Variants in BTBD9 observed in about 807,000 individuals in gnomAD.
The protein encoded by BTBD9 is BTB/POZ domain-containing protein 9.
A neutral mutation model predicts 64.3 loss-of-function variants in BTBD9; 49 were observed. The ratio of observed to expected loss-of-function variants is 0.76; its 90% CI spans 0.61 to 0.97. BTBD9 has a LOEUF of 0.97. BTBD9 is among the 50% of genes least tolerant of loss of function. The pLI, the probability that BTBD9 is intolerant of heterozygous loss-of-function variation, is 0.00. For synonymous variants in BTBD9, 260 were observed against 274.7 expected (o/e 0.95, Z 0.53); for missense variants, 598 against 762.1 (o/e 0.78, Z 2.53).
At chr6:38,287,082 CAAAAAAAAA>C (rs60618390) in intron 8 of BTBD9, among the ~76,000 whole-genome samples, 2 of 25,364 alleles carry the variant, frequency 7.9e-5, no homozygotes, top group South Asian at 2.8e-3. Context: ...GGCTCCATCT[CAAAAAAAAA>C]AAAAAAAAAA....
chr6:38,520,919 C>A (rs1040317459), intron 6 of BTBD9, among the ~76,000 whole-genome samples: 1 of 152,064 alleles, frequency 6.6e-6, no homozygotes, highest in African/African-American at 2.4e-5. Flanking sequence ...TGCACTCCAG[C>A]CTGCTTGACA....
chr6:38,617,916 T>A (rs759068991), intron 1 of BTBD9, among the ~76,000 whole-genome samples: 1 of 152,186 alleles, frequency 6.6e-6, no homozygotes, highest in Non-Finnish European at 1.5e-5. Context: ...GTCCTCTTTG[T>A]GGTCTAAGAG....
intron 7 of BTBD9, among the ~76,000 whole-genome samples, chr6:38,339,050 T>C (rs1764004248): frequency 6.6e-6 from 1 of 152,202 alleles, no homozygotes; most frequent in African/African-American, 2.4e-5. Context: ...TGAAAGTGAA[T>C]TTGGCAATAT....
At chr6:38,574,463 T>C (rs1391846958) in intron 6 of BTBD9, among the ~76,000 whole-genome samples, 1 of 152,150 alleles carries the variant, frequency 6.6e-6, no homozygotes, top group African/African-American at 2.4e-5. Flanking sequence ...CTAGGGTCTT[T>C]AGAGGTTAGA....
At chr6:38,608,406 A>C (rs1332319131) in intron 1 of BTBD9, among the ~76,000 whole-genome samples, 1 of 152,220 alleles carries the variant, frequency 6.6e-6, no homozygotes, top group East Asian at 1.9e-4. Flanking sequence ...TTGAGAATAC[A>C]AGACAAGCCA....
At chr6:38,195,574 GCT>G (rs1484311232) in intron 9 of BTBD9, among the ~76,000 whole-genome samples, 1 of 152,056 alleles carries the variant, frequency 6.6e-6, no homozygotes, top group Admixed American at 6.5e-5. Flanking sequence ...CCCCATACTG[GCT>G]CTGACTGGAT....
intron 6 of BTBD9, among the ~76,000 whole-genome samples, chr6:38,491,455 T>G (rs574690956): frequency 6.6e-6 from 1 of 152,236 alleles, no homozygotes; most frequent in East Asian, 1.9e-4. Flanking sequence ...TATGTGTATT[T>G]AACAATTATT....
At chr6:38,548,838 T>C (rs1279473912) in intron 6 of BTBD9, among the ~76,000 whole-genome samples, 2 of 152,048 alleles carry the variant, frequency 1.3e-5, no homozygotes, top group African/African-American at 4.8e-5. Context: ...AAGAGAGCAA[T>C]GTAAAAAGAT....
At chr6:38,256,053 G>A (rs1764567324) in intron 9 of BTBD9, among the ~76,000 whole-genome samples, 1 of 150,312 alleles carries the variant, frequency 6.7e-6, no homozygotes, top group African/African-American at 2.5e-5. Flanking sequence ...ATGTACCCTA[G>A]AACTTAAAAG....
At chr6:38,426,654 G>A (rs1768170843) in intron 6 of BTBD9, among the ~76,000 whole-genome samples, 2 of 151,902 alleles carry the variant, frequency 1.3e-5, no homozygotes, top group African/African-American at 4.9e-5. Flanking sequence ...CTAAAGGCTT[G>A]CCATTGTTCC....
intron 2 of BTBD9, chr6:38,595,714 C>T: frequency 2.1e-6 from 2 of 957,018 alleles, no homozygotes; most frequent in South Asian, 4.8e-5. Context: ...TTCTTGCTTG[C>T]CCCAGAAAAA....
intron 4 of BTBD9, among the ~76,000 whole-genome samples, chr6:38,590,106 A>G (rs1776729502): frequency 6.6e-6 from 1 of 152,166 alleles, no homozygotes; most frequent in Admixed American, 6.5e-5. Context: ...ATTACCCATT[A>G]TATGCTATTT....
intron 1 of BTBD9, among the ~76,000 whole-genome samples, chr6:38,601,083 CAG>C (rs1468706503): frequency 3.9e-5 from 6 of 152,102 alleles, no homozygotes; most frequent in African/African-American, 1.4e-4. Flanking sequence ...TCCCACTCAT[CAG>C]AGACTCTTAT....
At chr6:38,492,649 G>T (rs1311914486) in intron 6 of BTBD9, among the ~76,000 whole-genome samples, 1 of 152,068 alleles carries the variant, frequency 6.6e-6, no homozygotes, top group Admixed American at 6.6e-5. Flanking sequence ...TCAACTAAGA[G>T]AACTATTTTG....
intron 9 of BTBD9, among the ~76,000 whole-genome samples, chr6:38,245,051 G>A (rs935851295): frequency 2.0e-5 from 3 of 152,190 alleles, no homozygotes; most frequent in Non-Finnish European, 4.4e-5. Context: ...ATACGTGACT[G>A]GAGACAGAGC....
At chr6:38,240,822 G>C (rs1316753520) in intron 9 of BTBD9, among the ~76,000 whole-genome samples, 3 of 152,108 alleles carry the variant, frequency 2.0e-5, no homozygotes, top group African/African-American at 7.2e-5. Context: ...TTGTGGCTCT[G>C]TCTTCACAGG....
chr6:38,414,180 A>T (rs1290074473), intron 6 of BTBD9, among the ~76,000 whole-genome samples: 1 of 152,216 alleles, frequency 6.6e-6, no homozygotes, highest in African/African-American at 2.4e-5. Flanking sequence ...ACAAAAACAA[A>T]ATCATTGCTA....
At chr6:38,594,823 T>C (rs1023999535) in intron 2 of BTBD9, among the ~76,000 whole-genome samples, 10 of 152,216 alleles carry the variant, frequency 6.6e-5, no homozygotes, top group African/African-American at 2.4e-4. Flanking sequence ...AGAGTATAAA[T>C]GGCAGCCCTT....
At chr6:38,372,916 C>T (rs1420544644) in intron 6 of BTBD9, among the ~76,000 whole-genome samples, 1 of 152,172 alleles carries the variant, frequency 6.6e-6, no homozygotes, top group Admixed American at 6.5e-5. Context: ...GCCCTGTTTG[C>T]TTCTCCATGT....
Sources: gnomAD v4.1 joint callset for allele counts (sites outside exome capture counted in the v4.1 genomes callset) on GRCh38, gnomAD v4.1.1 for gene constraint, MANE v1.5 for transcripts, NCBI Gene and HGNC (gene_info 2026-07-23, HGNC 2026-07-21) for gene names.